FLRT1: variants seen among roughly 807,000 people sequenced by gnomAD.
FLRT1 encodes fibronectin leucine rich transmembrane protein 1.
Under a neutral mutation model 30.9 loss-of-function variants are expected in FLRT1, and 14 were observed. That is an observed-to-expected ratio of 0.45 (90% CI 0.30 to 0.71). The LOEUF (loss-of-function observed/expected upper bound fraction) is 0.71, where lower values mean the gene tolerates loss of function less well. FLRT1 is among the 30% of genes least tolerant of loss of function. The pLI is 0.08. For synonymous variants in FLRT1, 368 were observed against 430.4 expected, an observed-to-expected ratio of 0.85 and a Z score of 1.80; for missense variants, 737 against 949.2, an observed-to-expected ratio of 0.78 and a Z score of 2.94.
intron 1 of FLRT1, among the ~76,000 whole-genome samples, chr11:64,092,604 T>G (rs1480762592): frequency 1.3e-5 from 2 of 152,316 alleles, no homozygotes; most frequent in South Asian, 4.1e-4. Flanking sequence ...CCACTCCCAC[T>G]CTCATTCAGC....
intron 1 of FLRT1, among the ~76,000 whole-genome samples, chr11:64,058,381 T>C (rs964015486): frequency 9.2e-5 from 14 of 152,146 alleles, no homozygotes; most frequent in African/African-American, 3.4e-4. Context: ...GTCTGGACAG[T>C]CACCTGCAGG....
At chr11:64,048,818 C>G (rs1367060480) in intron 1 of FLRT1, among the ~76,000 whole-genome samples, 2 of 152,204 alleles carry the variant, frequency 1.3e-5, no homozygotes, top group African/African-American at 2.4e-5. Context: ...GGGCTGCTAT[C>G]CCCACCAAGC....
rs570152218 is a variant in FLRT1, at chr11:64,064,495, A to G, written c.-1038+28336A>G. ...ACCGGAGGCCTCAGGCCTGCCCCGG[A>G]TGGGCACGCAGGCAGGGTGCATATG... is the stretch of plus-strand genomic sequence containing the variant. On this transcript the variant is annotated intron_variant, in intron 1 of 2. Transcript: ENST00000682287. The surrounding 1 kb of genome is among the most constrained non-coding windows in gnomAD (Gnocchi z 4.5). 6.6e-6 allele frequency among the ~76,000 whole-genome samples: 1 copy of G among 151,966 alleles called. No individual in the cohort carries two copies. The highest frequency in any genetic ancestry group is 2.4e-5 in the African/African-American group (1 of 41,388).
Position 64,113,340 on chromosome 11 carries a change from A to G in FLRT1, c.-49-2879A>G, listed in dbSNP as rs540560263. Among the ~76,000 whole-genome samples the G allele has an allele frequency of 3.1e-4, 47 of 152,386 alleles. 2 individuals are homozygous for G. The South Asian group carries it at 9.3e-3, about 30-fold the overall frequency. On this transcript the variant is annotated intron_variant, in intron 2 of 2. Transcript: ENST00000682287. ...GGGCCTGGAATATAGTAGATGCTCA[A>G]TAAAGCTCTGTTGGATGCATGATGG...
At chr11:64,078,525 C>T (rs532192006) in intron 1 of FLRT1, among the ~76,000 whole-genome samples, 2 of 152,350 alleles carry the variant, frequency 1.3e-5, no homozygotes, top group Admixed American at 6.5e-5. Flanking sequence ...CGGAGGGATA[C>T]CCGGGAGGGG....
intron 1 of FLRT1, among the ~76,000 whole-genome samples, chr11:64,081,329 C>A (rs748697218): frequency 8.5e-5 from 13 of 152,198 alleles, no homozygotes; most frequent in Non-Finnish European, 1.3e-4. Context: ...GCCTACACTT[C>A]ATATTTTAAA....
At position 64,081,439 on chromosome 11, in the gene FLRT1, T is replaced by C. The variant is rs1423569258; in HGVS notation, c.-1037-21755T>C. 2.6e-5 allele frequency among the ~76,000 whole-genome samples: 4 copies of C among 152,308 alleles called. No individual in the cohort carries two copies. The South Asian group carries it at 8.3e-4, about 32-fold the overall frequency. ...GTGGTCCTGGGACCTGTCCCAGCTG[T>C]GACCCTCATACAGGGATTGGCAGAG... On this transcript the variant is annotated intron_variant, in intron 1 of 2. Coordinates refer to ENST00000682287, the MANE Select transcript of FLRT1 (RefSeq NM_013280.5).
intron 1 of FLRT1, among the ~76,000 whole-genome samples, chr11:64,038,170 G>A (rs1400112728): frequency 1.3e-5 from 2 of 152,184 alleles, no homozygotes; most frequent in African/African-American, 4.8e-5. Context: ...AGGAGGTGAT[G>A]GGGAGGGGGT....
intron 1 of FLRT1, among the ~76,000 whole-genome samples, chr11:64,071,361 G>A (rs1283743047): frequency 6.6e-6 from 1 of 152,176 alleles, no homozygotes; most frequent in Non-Finnish European, 1.5e-5. Flanking sequence ...GCCCAGCACA[G>A]AGCAGCTCTC....
Position 64,118,311 on chromosome 11 carries a change from GC to G in FLRT1, c.*23del. 1.3e-6 allele frequency: 2 copies of G among 1,533,546 alleles called. No homozygotes were observed. Among genetic ancestry groups the G allele is most frequent in the Non-Finnish European group, 1.8e-6 (2 of 1,134,716 alleles). 95.0% of individuals were successfully genotyped at this position (1,533,546 alleles called of 1,614,324 possible). A position where few individuals can be genotyped will look rare whatever the true frequency, so the allele number is the denominator to read the frequency against. On this transcript the variant is annotated 3_prime_UTR_variant, in exon 3 of 3. Coordinates refer to ENST00000682287, the MANE Select transcript of FLRT1 (RefSeq NM_013280.5). ...CACATGATGCCCGCCCACCCGGGCT[GC>G]CCCGCCTCAGCCCCAGCTGCCCTGG...
chr11:64,077,853 AGGAGCC>A (rs1944232135), intron 1 of FLRT1, among the ~76,000 whole-genome samples: 1 of 152,192 alleles, frequency 6.6e-6, no homozygotes, highest in Non-Finnish European at 1.5e-5. Context: ...GGTGGGCTTC[AGGAGCC>A]CAGGGCCCCC....
At chr11:64,084,501 G>A (rs974522355) in intron 1 of FLRT1, among the ~76,000 whole-genome samples, 3 of 152,224 alleles carry the variant, frequency 2.0e-5, no homozygotes, top group Non-Finnish European at 4.4e-5. Flanking sequence ...TGAGCCTTGG[G>A]GTCACGGGGC....
chr11:64,109,069 G>A (rs577659446), intron 2 of FLRT1, among the ~76,000 whole-genome samples: 6 of 152,226 alleles, frequency 3.9e-5, no homozygotes, highest in South Asian at 2.1e-4. Context: ...TCCTCTCCCC[G>A]CCTGGCCCTG....
At position 64,117,750 on chromosome 11, in the gene FLRT1, A is replaced by T; in HGVS notation, c.1483A>T (p.Thr495Ser). The change falls in exon 3 of 3, where the codon ACA (threonine) becomes TCA (serine). Residue 495 changes from threonine (T) to serine (S), a missense_variant. Coordinates refer to ENST00000682287, the MANE Select transcript of FLRT1 (RefSeq NM_013280.5). ...GGGGGACAAGACAGAGTACCTGCTG[A>T]CAGCCCTGGAGCCCAAGTCCACCTA... ...VQGDKTEYLLTALEPKSTYII... is the reference protein window; with the variant it reads ...VQGDKTEYLLSALEPKSTYII... The T allele has an allele frequency of 6.2e-7, 1 of 1,614,032 alleles. No homozygotes were observed. The highest frequency in any genetic ancestry group is 8.5e-7 in the Non-Finnish European group (1 of 1,180,046).
intron 1 of FLRT1, among the ~76,000 whole-genome samples, chr11:64,099,457 T>C (rs758222890): frequency 1.3e-5 from 2 of 152,050 alleles, no homozygotes; most frequent in South Asian, 2.1e-4. Context: ...GAGAAATGGA[T>C]AGGTGGAGAG....
intron 1 of FLRT1, among the ~76,000 whole-genome samples, chr11:64,083,558 T>C (rs914345748): frequency 1.3e-4 from 20 of 152,352 alleles, no homozygotes; most frequent in African/African-American, 4.6e-4. Flanking sequence ...TCTCGTATTA[T>C]GTTGTATTTC....
rs1385898588 is a variant in FLRT1 at position 64,064,293 on chromosome 11, C to G, written c.-1038+28134C>G. On this transcript the variant is annotated intron_variant, in intron 1 of 2. Transcript: ENST00000682287. This position sits in a 1 kb window ranked among gnomAD's most constrained non-coding sequence, Gnocchi z 4.5. Reference sequence around the variant, plus strand: ...CACACCGTAGTCTCCACGTGCAGCCCTGTTCAGGCGGCGGGTAGGGGGGTG... The same window carrying G: ...CACACCGTAGTCTCCACGTGCAGCCGTGTTCAGGCGGCGGGTAGGGGGGTG... 6.6e-6 allele frequency among the ~76,000 whole-genome samples: 1 copy of G among 152,238 alleles called. No homozygotes were observed. The highest frequency in any genetic ancestry group is 1.5e-5 in the Non-Finnish European group (1 of 68,040).
At position 64,065,089 on chromosome 11, in the gene FLRT1, C is replaced by T. The variant is rs915903780; in HGVS notation, c.-1038+28930C>T. ...CCAGCACAGGCACCTGAGCCAGACT[C>T]GGCGGCCTCGGAGAGACTTCCCAGA... is the stretch of plus-strand genomic sequence containing the variant. On this transcript the variant is annotated intron_variant, in intron 1 of 2. Coordinates refer to ENST00000682287, the MANE Select transcript of FLRT1 (RefSeq NM_013280.5). 1.6e-4 allele frequency among the ~76,000 whole-genome samples: 24 copies of T among 152,310 alleles called. 1 individual carries two copies. The highest frequency in any genetic ancestry group is 1.4e-3 in the Admixed American group (21 of 15,302).
At position 64,116,625 on chromosome 11, in the gene FLRT1, G is replaced by A. The variant is rs1944986914; in HGVS notation, c.358G>A (p.Glu120Lys). 9 of 1,614,172 alleles carry A rather than the reference G, an allele frequency of 5.6e-6. No homozygotes were observed. The highest frequency in any genetic ancestry group is 6.8e-6 in the Non-Finnish European group (8 of 1,180,038). The change falls in exon 3 of 3, where the codon GAG becomes AAG. Residue 120 changes from glutamate (E) to lysine (K), a missense_variant. By Grantham distance (56) the Glu-to-Lys change is moderately conservative. Coordinates refer to ENST00000682287, the MANE Select transcript of FLRT1 (RefSeq NM_013280.5). ...VIYLYENDLD[E>K]FPINLPRSLR... is the part of the protein sequence containing the mutation. ...CTACCTATACGAGAATGACCTGGAT[G>A]AGTTCCCCATCAACCTGCCCCGCTC...
Sources: gnomAD v4.1 joint callset for allele counts (sites outside exome capture counted in the v4.1 genomes callset) on GRCh38, gnomAD v4.1.1 for gene constraint, Gnocchi (gnomAD v3.1) non-coding constraint, MANE v1.5 for transcripts, NCBI Gene and HGNC (gene_info 2026-07-23, HGNC 2026-07-21) for gene names.